The following PLXNC1 variants were observed in gnomAD, a reference collection of about 807,000 sequenced individuals.
PLXNC1 encodes the protein plexin C1, also known as plexin-C1.
A neutral mutation model predicts 178.2 loss-of-function variants in PLXNC1; 75 were observed. The observed-to-expected ratio is 0.42, with a 90% CI of 0.35 to 0.51. The LOEUF is 0.51. PLXNC1 is among the 20% of genes least tolerant of loss of function. PLXNC1 has a pLI of 0.02. For missense variants in PLXNC1, 1,503 were observed against 1,984.4 expected, an observed-to-expected ratio of 0.76 and a Z score of 4.61; for synonymous variants, 790 against 779.9, an observed-to-expected ratio of 1.01 and a Z score of -0.22.
intron 11 of PLXNC1, among the ~76,000 whole-genome samples, chr12:94,241,977 T>TAAAAA (rs779990678): frequency 2.8e-5 from 4 of 141,868 alleles, no homozygotes; most frequent in Admixed American, 1.4e-4. Context: ...AAAGCTTTGT[T>TAAAAA]AAAAAAAAAA....
intron 4 of PLXNC1, among the ~76,000 whole-genome samples, chr12:94,206,689 A>C (rs1963311820): frequency 6.6e-6 from 1 of 152,198 alleles, no homozygotes; most frequent in Admixed American, 6.5e-5. Flanking sequence ...GATGGAGCAA[A>C]AGTAATAGTA....
At chr12:94,273,194 CTTA>C (rs954700791) in intron 21 of PLXNC1, among the ~76,000 whole-genome samples, 9 of 152,210 alleles carry the variant, frequency 5.9e-5, no homozygotes, top group Admixed American at 2.0e-4. Context: ...AATGCTGGTC[CTTA>C]TTATTACAAA....
At chr12:94,153,059 A>G (rs1961017879) in intron 1 of PLXNC1, among the ~76,000 whole-genome samples, 1 of 152,258 alleles carries the variant, frequency 6.6e-6, no homozygotes, top group African/African-American at 2.4e-5. Context: ...ATATTTGTAC[A>G]GCACTTCCAC....
intron 4 of PLXNC1, among the ~76,000 whole-genome samples, chr12:94,198,397 T>C (rs1256029638): frequency 6.6e-6 from 1 of 152,158 alleles, no homozygotes; most frequent in Non-Finnish European, 1.5e-5. Flanking sequence ...CTGAGCTTAA[T>C]ACCTAGTTGA....
chr12:94,297,059 A>G, intron 24 of PLXNC1, 130 bp from the exon 25 acceptor site: 1 of 796,604 alleles, frequency 1.3e-6, no homozygotes, highest in Non-Finnish European at 2.1e-6. Context: ...GTAGCTATGG[A>G]GAGCTCAAGT....
chr12:94,204,636 T>C (rs951996600), intron 4 of PLXNC1, among the ~76,000 whole-genome samples: 1 of 152,230 alleles, frequency 6.6e-6, no homozygotes, highest in African/African-American at 2.4e-5. Flanking sequence ...TCTCGTCCAT[T>C]CAGTAGACTT....
intron 4 of PLXNC1, among the ~76,000 whole-genome samples, chr12:94,198,596 C>T (rs1039198825): frequency 6.6e-6 from 1 of 152,170 alleles, no homozygotes; most frequent in African/African-American, 2.4e-5. Flanking sequence ...ACTACCAACA[C>T]AAATTTATCG....
chr12:94,212,199 G>A (rs1174710196), intron 5 of PLXNC1, among the ~76,000 whole-genome samples: 51 of 148,820 alleles, frequency 3.4e-4, no homozygotes, highest in African/African-American at 1.1e-3. Flanking sequence ...GCGTGAACCC[G>A]GGAGGCGGAG....
At chr12:94,284,061 C>T (rs571336305) in intron 23 of PLXNC1, among the ~76,000 whole-genome samples, 31 of 137,202 alleles carry the variant, frequency 2.3e-4, no homozygotes, top group Admixed American at 1.8e-3. Context: ...CCAGCCTGTG[C>T]GACAGAGCAA....
At chr12:94,204,969 C>T (rs1013710589) in intron 4 of PLXNC1, among the ~76,000 whole-genome samples, 1 of 152,198 alleles carries the variant, frequency 6.6e-6, no homozygotes, top group Admixed American at 6.5e-5. Context: ...CAGATTCCTT[C>T]AGGGACTGTC....
intron 23 of PLXNC1, among the ~76,000 whole-genome samples, chr12:94,285,658 C>T (rs1268600897): frequency 5.9e-5 from 9 of 152,158 alleles, no homozygotes; most frequent in Admixed American, 3.9e-4. Context: ...AAAAACACGG[C>T]CCCAGAGGGA....
At chr12:94,186,223 G>A in intron 3 of PLXNC1, 150 bp from the exon 4 acceptor site, 2 of 603,202 alleles carry the variant, frequency 3.3e-6, no homozygotes, top group Non-Finnish European at 6.1e-6. Context: ...TCATGTCCTA[G>A]ATCTTGAGAC....
At chr12:94,228,315 C>T (rs978591493) in intron 9 of PLXNC1, among the ~76,000 whole-genome samples, 16 of 152,260 alleles carry the variant, frequency 1.1e-4, no homozygotes, top group African/African-American at 3.6e-4. Context: ...TAAGACACAG[C>T]GACAAGGACT....
intron 4 of PLXNC1, among the ~76,000 whole-genome samples, chr12:94,199,377 C>G (rs1963039148): frequency 6.6e-6 from 1 of 152,196 alleles, no homozygotes; most frequent in Non-Finnish European, 1.5e-5. Context: ...GATGGCCCCT[C>G]CTTCTCGTGT....
At position 94,248,273 on chromosome 12, in the gene PLXNC1, C is replaced by A. The variant is rs1395722726; in HGVS notation, c.2639C>A (p.Thr880Asn). Residue 880 changes from threonine to asparagine, a missense_variant, in exon 14 of 31, where the codon ACT becomes AAT. By Grantham distance (65) the Thr-to-Asn change is moderately conservative. This residue lies in a region of PLXNC1 where 639 missense variants were observed against 979.7 expected (regional missense o/e 0.65). Coordinates refer to ENST00000258526, the MANE Select transcript of PLXNC1 (RefSeq NM_005761.3). ...ATTTCCAAAAAAGACATTGAAATTA[C>A]TCTCTTCCATGGGGAAAATGGGCAA... ...FNISKKDIEI[T>N]LFHGENGQLN... is the part of the protein sequence containing the mutation. 6.2e-7 allele frequency: 1 copy of A among 1,612,126 alleles called. No homozygotes were observed. Among genetic ancestry groups the A allele is most frequent in the East Asian group, 2.2e-5 (1 of 44,888 alleles).
rs553292242 is a variant in PLXNC1 at position 94,180,492 on chromosome 12, A to G, written c.1204-954A>G. On this transcript the variant is annotated intron_variant, in intron 2 of 30. Transcript: ENST00000258526. ...ATACACACACAGGAATGTAAGTTCTATGAGGTCAGGAGCTCTCCCTTCCCC... is the reference window on the plus strand; with the variant it reads ...ATACACACACAGGAATGTAAGTTCTGTGAGGTCAGGAGCTCTCCCTTCCCC... 5.3e-5 allele frequency among the ~76,000 whole-genome samples: 8 copies of G among 152,292 alleles called. No homozygotes were observed. In the South Asian group the frequency reaches 1.5e-3, roughly 28 times the overall value.
chr12:94,256,624 G>A (rs772446381), intron 17 of PLXNC1, among the ~76,000 whole-genome samples: 1 of 152,136 alleles, frequency 6.6e-6, no homozygotes, highest in Non-Finnish European at 1.5e-5. Context: ...CTATTTCTGA[G>A]CTATCTGAGA....
In PLXNC1 at chr12:94,275,625, G is replaced by A. The variant is rs576096228; in HGVS notation, c.3598-3847G>A. 1.2e-4 allele frequency among the ~76,000 whole-genome samples: 10 copies of A among 86,388 alleles called. 1 individual carries two copies. The highest frequency in any genetic ancestry group is 9.8e-4 in the East Asian group (3 of 3,046). 56.7% of individuals were successfully genotyped at this position (86,388 alleles called of 152,430 possible). On this transcript the variant is annotated intron_variant, in intron 21 of 30. Coordinates refer to ENST00000258526, the MANE Select transcript of PLXNC1 (RefSeq NM_005761.3). ...TCCCAGCACTTTGGGAGGCCGAGGC[G>A]GGCGGATCACGAGGTCAGGAGATCG...
intron 4 of PLXNC1, among the ~76,000 whole-genome samples, chr12:94,200,412 G>A (rs1233377634): frequency 6.6e-6 from 1 of 152,082 alleles, no homozygotes; most frequent in African/African-American, 2.4e-5. Context: ...GTCTTCATTC[G>A]AAGCCTTCCT....
Sources: gnomAD v4.1 joint callset for allele counts (sites outside exome capture counted in the v4.1 genomes callset) on GRCh38, gnomAD v4.1.1 for gene constraint, gnomAD v4.1.1 regional missense constraint, MANE v1.5 for transcripts, NCBI Gene and HGNC (gene_info 2026-07-23, HGNC 2026-07-21) for gene names.